Variants in CACNA1G observed in about 807,000 individuals in gnomAD.
CACNA1G encodes voltage-dependent T-type calcium channel subunit alpha-1G.
Under a neutral mutation model 219.4 loss-of-function variants are expected in CACNA1G, and 67 were observed. The ratio of observed to expected loss-of-function variants is 0.31; its 90% CI spans 0.25 to 0.37. The LOEUF is 0.37. CACNA1G is among the 10% of genes least tolerant of loss of function. CACNA1G has a pLI of 1.00. For synonymous variants in CACNA1G, 1,296 were observed against 1,345.3 expected (o/e 0.96, Z 0.80); for missense variants, 2,380 against 3,231.4 (o/e 0.74, Z 6.39).
Position 50,561,361 on chromosome 17 carries a change from TGTGCCCCCGCCG to T in CACNA1G, c.-97_-86del. Reference sequence around the variant, plus strand: ...AGCTTGCGCCCTAGAGCCCACCAGATGTGCCCCCGCCGGGGCCCCCGGGTTGCGTGAGGACAC... The same window carrying T: ...AGCTTGCGCCCTAGAGCCCACCAGATGGGCCCCCGGGTTGCGTGAGGACAC... On this transcript the variant is annotated 5_prime_UTR_variant, in exon 1 of 38. Transcript: ENST00000359106. The T allele has an allele frequency of 6.8e-7, 1 of 1,472,814 alleles. No individual in the cohort carries two copies. The highest frequency in any genetic ancestry group is 9.1e-7 in the Non-Finnish European group (1 of 1,094,052). The allele number at this position is 1,472,814 out of a possible 1,614,324, so 91.2% of individuals were successfully genotyped here.
At chr17:50,584,111 C>T (rs919417372) in intron 9 of CACNA1G, among the ~76,000 whole-genome samples, 1 of 151,978 alleles carries the variant, frequency 6.6e-6, no homozygotes, top group Non-Finnish European at 1.5e-5. Context: ...GGAGAGGAGG[C>T]GAGAGGGTTT....
chr17:50,578,413 G>T lies in CACNA1G; in HGVS notation c.2150G>T (p.Gly717Val), dbSNP rs1012937954. ...CACAGCCGGCGGCAACGGAGCCTGGGCCCAGATGCAGAGCCCAGCTCTGTG... is the reference window on the plus strand; with the variant it reads ...CACAGCCGGCGGCAACGGAGCCTGGTCCCAGATGCAGAGCCCAGCTCTGTG... ...DPHSRRQRSL[G>V]PDAEPSSVLA... Residue 717 changes from glycine to valine, a missense_variant, in exon 9 of 38, where the codon GGC (glycine) becomes GTC (valine). This residue lies in a region of CACNA1G where 434 missense variants were observed against 417.3 expected (regional missense o/e 1.04). Transcript: ENST00000359106. The surrounding 1 kb of genome is among the most constrained non-coding windows in gnomAD (Gnocchi z 4.5). 1.2e-6 allele frequency: 2 copies of T among 1,613,338 alleles called. No individual in the cohort carries two copies. The highest frequency in any genetic ancestry group is 1.7e-5 in the Admixed American group (1 of 59,994).
rs566594106 is a variant in CACNA1G, at chr17:50,626,868, C to G, written c.*117C>G. The G allele has an allele frequency of 7.6e-7, 1 of 1,315,740 alleles. No homozygotes were observed. The highest frequency in any genetic ancestry group is 1.4e-5 in the African/African-American group (1 of 69,100). 81.5% of individuals were successfully genotyped at this position (1,315,740 alleles called of 1,614,324 possible). ...AGACACCAAGGAGGCGGAGGCGCTC[C>G]TCCCTGCCTCAGTGGCTCTGGGTAC... is the stretch of plus-strand genomic sequence containing the variant. On this transcript the variant is annotated 3_prime_UTR_variant, in exon 38 of 38. Coordinates refer to ENST00000359106, the MANE Select transcript of CACNA1G (RefSeq NM_018896.5). The surrounding 1 kb of genome is among the most constrained non-coding windows in gnomAD (Gnocchi z 4.3).
At chr17:50,601,544 G>A (rs988239883) in intron 19 of CACNA1G, among the ~76,000 whole-genome samples, 2 of 152,228 alleles carry the variant, frequency 1.3e-5, no homozygotes, top group Non-Finnish European at 2.9e-5. Context: ...GGGGCATGCA[G>A]AGTGGCCATG....
intron 2 of CACNA1G, 46 bp from the exon 3 acceptor site, chr17:50,569,118 TC>T: frequency 6.2e-7 from 1 of 1,601,058 alleles, no homozygotes; most frequent in Non-Finnish European, 8.5e-7. Flanking sequence ...TAGAGGGTAT[TC>T]CCTCACCCAC....
chr17:50,580,208 A>G (rs933086221), intron 9 of CACNA1G, among the ~76,000 whole-genome samples: 1 of 152,118 alleles, frequency 6.6e-6, no homozygotes, highest in Non-Finnish European at 1.5e-5. Flanking sequence ...GTGTGTGCAC[A>G]TGCCAACTCT....
At position 50,604,132 on chromosome 17, in the gene CACNA1G, ACCTC is replaced by A. The variant is rs750258570; in HGVS notation, c.4170-12_4170-9del. 4.4e-6 allele frequency: 7 copies of A among 1,604,216 alleles called. No individual in the cohort carries two copies. The highest frequency in any genetic ancestry group is 6.0e-6 in the Non-Finnish European group (7 of 1,174,660). ...GGTCTGGGCTGGGGGAAGCCTTATCACCTCCCTCCCTCCCCTCCCCAGGGTGATC... is the reference window on the plus strand; with the variant it reads ...GGTCTGGGCTGGGGGAAGCCTTATCACCTCCCTCCCCTCCCCAGGGTGATC... On this transcript the variant is annotated intron_variant, in intron 21 of 37. Coordinates refer to ENST00000359106, the MANE Select transcript of CACNA1G (RefSeq NM_018896.5).
In CACNA1G at chr17:50,600,691, C is replaced by A. The variant is rs748639309; in HGVS notation, c.3691-35C>A. On this transcript the variant is annotated intron_variant, in intron 17 of 37. Transcript: ENST00000359106. This position sits in a 1 kb window ranked among gnomAD's most constrained non-coding sequence, Gnocchi z 4.1. Reference sequence around the variant, plus strand: ...GCCAGGAGCCGGGGAACCTGGAGGCCTGGTCCTGCTCATACTCCAGTGTTT... The same window carrying A: ...GCCAGGAGCCGGGGAACCTGGAGGCATGGTCCTGCTCATACTCCAGTGTTT... 5 of 1,584,682 alleles carry A rather than the reference C, an allele frequency of 3.2e-6. No homozygotes were observed. The South Asian group carries it at 4.4e-5, about 14-fold the overall frequency.
At position 50,575,861 on chromosome 17, in the gene CACNA1G, C is replaced by T. The variant is rs762233484; in HGVS notation, c.1459C>T (p.Arg487Cys). ...CAGCAGCAGCTGCTCTCGCTCCCACCGCCGCCTATCCGTCCACCACCTGGT... is the reference window on the plus strand; with the variant it reads ...CAGCAGCAGCTGCTCTCGCTCCCACTGCCGCCTATCCGTCCACCACCTGGT... ...QPSSSCSRSHRRLSVHHLVHH... is the reference protein window; with the variant it reads ...QPSSSCSRSHCRLSVHHLVHH... Residue 487 changes from arginine (R) to cysteine (C), a missense_variant, in exon 8 of 38, where the codon CGC becomes TGC. Around this residue, in one of 17 missense-constraint regions of CACNA1G, gnomAD observed 434 missense variants for 417.3 expected, o/e 1.04. Transcript: ENST00000359106. 1.4e-5 allele frequency: 21 copies of T among 1,550,434 alleles called. No homozygotes were observed. Among genetic ancestry groups the T allele is most frequent in the South Asian group, 4.7e-5 (4 of 84,280 alleles).
At chr17:50,565,387 C>T (rs9898032) in intron 1 of CACNA1G, among the ~76,000 whole-genome samples, 38 of 139,252 alleles carry the variant, frequency 2.7e-4, no homozygotes, top group East Asian at 7.8e-4. Flanking sequence ...TGGGGTGGGG[C>T]GGGGGGTTCT....
chr17:50,565,392 G>GGGT lies in CACNA1G; in HGVS notation c.243-3477_243-3476insGTG, dbSNP rs1183709901. 2.2e-3 allele frequency among the ~76,000 whole-genome samples: 315 copies of GGGT among 142,624 alleles called. 6 individuals are homozygous for GGGT. The highest frequency in any genetic ancestry group is 7.5e-3 in the African/African-American group (295 of 39,478). 93.6% of individuals were successfully genotyped at this position (142,624 alleles called of 152,430 possible). ...AATAGGCTTGTGGGGTGGGGCGGGGGGTTCTGCTGGGGGAATCCCCCTTTG... is the reference window on the plus strand; with the variant it reads ...AATAGGCTTGTGGGGTGGGGCGGGGGGGTGTTCTGCTGGGGGAATCCCCCTTTG... On this transcript the variant is annotated intron_variant, in intron 1 of 37. Coordinates refer to ENST00000359106, the MANE Select transcript of CACNA1G (RefSeq NM_018896.5).
In CACNA1G at chr17:50,587,431, G is replaced by A. The variant is rs554498204; in HGVS notation, c.2302-3040G>A. On this transcript the variant is annotated intron_variant, in intron 9 of 37. Transcript: ENST00000359106. ...GCTCCACCCCTGCCCCTTTTCAGCC[G>A]TAATTACAGCTCTGGTCCCTGGGGC... Among the ~76,000 whole-genome samples the A allele has an allele frequency of 1.1e-4, 17 of 152,310 alleles. No individual in the cohort carries two copies. In the South Asian group the frequency reaches 1.7e-3, roughly 15 times the overall value.
intron 25 of CACNA1G, among the ~76,000 whole-genome samples, chr17:50,609,573 G>A (rs780534159): frequency 2.0e-5 from 3 of 152,138 alleles, no homozygotes; most frequent in Admixed American, 6.5e-5. Context: ...TCTGGGGTCT[G>A]TAGCTGTCTC....
At chr17:50,566,758 C>T (rs986790035) in intron 1 of CACNA1G, among the ~76,000 whole-genome samples, 7 of 152,230 alleles carry the variant, frequency 4.6e-5, no homozygotes, top group Non-Finnish European at 8.8e-5. Context: ...TCATCTGCTC[C>T]GTGCCAGGCA....
At chr17:50,564,831 G>T (rs1017850809) in intron 1 of CACNA1G, among the ~76,000 whole-genome samples, 2 of 151,994 alleles carry the variant, frequency 1.3e-5, no homozygotes, top group East Asian at 3.9e-4. Flanking sequence ...GAGAAGGGCT[G>T]GGGCTGGAGA....
rs1336048228 is a variant in CACNA1G, at chr17:50,596,842, C to T, written c.3177C>T (p.Gly1059=). The change falls in exon 16 of 38, where the codon GGC becomes GGT. Residue 1059 remains glycine (G), a synonymous_variant. Transcript: ENST00000359106. The surrounding 1 kb of genome is among the most constrained non-coding windows in gnomAD (Gnocchi z 4.8). ...SLPKSTSTGL[G]EALGPASRRT... ...CCAAGAGCACCAGCACGGGCCTGGGCGAGGCGCTGGGCCCTGCGTCGCGCC... is the reference window on the plus strand; with the variant it reads ...CCAAGAGCACCAGCACGGGCCTGGGTGAGGCGCTGGGCCCTGCGTCGCGCC... 1.9e-6 allele frequency: 3 copies of T among 1,605,326 alleles called. No homozygotes were observed. The highest frequency in any genetic ancestry group is 1.7e-6 in the Non-Finnish European group (2 of 1,177,154).
chr17:50,599,472 C>G lies in CACNA1G; in HGVS notation c.3303C>G (p.Ser1101Arg), dbSNP rs1241056939. Residue 1101 changes from serine (S) to arginine (R), a missense_variant, in exon 17 of 38, where the codon AGC becomes AGG. Ser to Arg is a moderately radical substitution (Grantham distance 110). Around this residue, in one of 17 missense-constraint regions of CACNA1G, gnomAD observed 418 missense variants for 434.3 expected, o/e 0.96. Coordinates refer to ENST00000359106, the MANE Select transcript of CACNA1G (RefSeq NM_018896.5). Reference sequence around the variant, plus strand: ...CGCACAGCCCCTGGAGCGCTGCAAGCAGCTGGACCAGCAGGCGCTCCAGCC... The same window carrying G: ...CGCACAGCCCCTGGAGCGCTGCAAGGAGCTGGACCAGCAGGCGCTCCAGCC... ...SSPHSPWSAA[S>R]SWTSRRSSRN... The G allele has an allele frequency of 6.3e-7, 1 of 1,581,998 alleles. No homozygotes were observed. Among genetic ancestry groups the G allele is most frequent in the South Asian group, 1.2e-5 (1 of 86,822 alleles).
intron 9 of CACNA1G, among the ~76,000 whole-genome samples, chr17:50,584,535 G>A (rs1391170866): frequency 6.9e-6 from 1 of 145,248 alleles, no homozygotes; most frequent in East Asian, 2.1e-4. Flanking sequence ...AGGCACGGGG[G>A]AAGGAGATTG....
intron 3 of CACNA1G, among the ~76,000 whole-genome samples, 187 bp downstream of exon 3, chr17:50,569,485 C>G (rs2038852684): frequency 6.6e-6 from 1 of 152,016 alleles, no homozygotes; most frequent in African/African-American, 2.4e-5. Context: ...TTCCAAGGCC[C>G]TATTCCTAAT....
Sources: gnomAD v4.1 joint callset for allele counts (sites outside exome capture counted in the v4.1 genomes callset) on GRCh38, gnomAD v4.1.1 for gene constraint, gnomAD v4.1.1 regional missense constraint, Gnocchi (gnomAD v3.1) non-coding constraint, MANE v1.5 for transcripts, NCBI Gene and HGNC (gene_info 2026-07-23, HGNC 2026-07-21) for gene names.